The following RFTN1 variants were observed in gnomAD, a reference collection of about 807,000 sequenced individuals.
RFTN1 encodes the protein raftlin, lipid raft linker 1.
Under a neutral mutation model 46.5 loss-of-function variants are expected in RFTN1, and 26 were observed. That is an observed-to-expected ratio of 0.56 (90% confidence interval 0.41 to 0.78). The LOEUF (loss-of-function observed/expected upper bound fraction) is 0.78, where lower values mean the gene tolerates loss of function less well. RFTN1 is among the 30% of genes least tolerant of loss of function. RFTN1 has a pLI of 0.00. For missense variants in RFTN1, 693 were observed against 718.7 expected (o/e 0.96, Z 0.41); for synonymous variants, 261 against 284.2 (o/e 0.92, Z 0.82).
At chr3:16,508,237 ACTGGGACATCAAAG>A (rs1392851360) in intron 1 of RFTN1, among the ~76,000 whole-genome samples, 2 of 152,184 alleles carry the variant, frequency 1.3e-5, no homozygotes, top group Admixed American at 1.3e-4. Flanking sequence ...GTCCCATGTA[ACTGGGACATCAAAG>A]CTGCCAGCCT....
rs2069891671 is a variant in RFTN1 at position 16,327,904 on chromosome 3, A to G, written c.1147-1028T>C. 6.6e-6 allele frequency among the ~76,000 whole-genome samples: 1 copy of G among 152,046 alleles called. No homozygotes were observed. Among genetic ancestry groups the G allele is most frequent in the Non-Finnish European group, 1.5e-5 (1 of 67,972 alleles). On this transcript the variant is annotated intron_variant, in intron 7 of 9. Transcript: ENST00000334133. The surrounding 1 kb of genome is among the most constrained non-coding windows in gnomAD (Gnocchi z 4.2). ...CATTTCTTACTACGGGTTCCTCACT[A>G]ACACTCAAAGTGTAGCCCCCACCCC...
At chr3:16,355,978 T>C (rs923933587) in intron 7 of RFTN1, among the ~76,000 whole-genome samples, 8 of 152,222 alleles carry the variant, frequency 5.3e-5, no homozygotes, top group Admixed American at 4.6e-4. Context: ...CACAGGCACA[T>C]GTTTTGGGTG....
intron 2 of RFTN1, chr3:16,482,836 T>C (rs2076389936): frequency 1.3e-6 from 2 of 1,535,954 alleles, no homozygotes; most frequent in East Asian, 4.9e-5. Context: ...AGAACAGCCT[T>C]TCTGCCATGA....
rs56174239 is a variant in RFTN1, at chr3:16,334,309, A to G, written c.1147-7433T>C. 0.19 allele frequency among the ~76,000 whole-genome samples: 28,569 copies of G among 152,118 alleles called. 2,792 individuals are homozygous for G. The highest frequency in any genetic ancestry group is 0.29 in the Middle Eastern group (84 of 294). ...GAAGCATGCGTTCTTGTACATTGCT[A>G]GTGGAAGGGCTCATTGATTCAACCC... On this transcript the variant is annotated intron_variant, in intron 7 of 9. Transcript: ENST00000334133. This position sits in a 1 kb window ranked among gnomAD's most constrained non-coding sequence, Gnocchi z 4.3.
intron 2 of RFTN1, among the ~76,000 whole-genome samples, chr3:16,488,533 G>T (rs1402271790): frequency 1.3e-5 from 2 of 152,184 alleles, no homozygotes; most frequent in Non-Finnish European, 2.9e-5. Flanking sequence ...TAAGTGTATA[G>T]AGTGTCATTT....
chr3:16,355,393 A>G (rs1295133149), intron 7 of RFTN1, among the ~76,000 whole-genome samples: 2 of 152,282 alleles, frequency 1.3e-5, no homozygotes, highest in Admixed American at 1.3e-4. Context: ...AAGATCAGGC[A>G]TCTTGACACT....
chr3:16,509,503 A>G lies in RFTN1; in HGVS notation c.-9+3939T>C, dbSNP rs2076863853. Among the ~76,000 whole-genome samples, 1 of 152,236 alleles carries G rather than the reference A, an allele frequency of 6.6e-6. No homozygotes were observed. The highest frequency in any genetic ancestry group is 2.4e-5 in the African/African-American group (1 of 41,460). ...ATTAAATTCAGATAATGCGTGCAAAATGTACAACAGTGCCTGGCAAAGGGT... is the reference window on the plus strand; with the variant it reads ...ATTAAATTCAGATAATGCGTGCAAAGTGTACAACAGTGCCTGGCAAAGGGT... On this transcript the variant is annotated intron_variant, in intron 1 of 9. Transcript: ENST00000334133. This position sits in a 1 kb window ranked among gnomAD's most constrained non-coding sequence, Gnocchi z 4.9.
In RFTN1 at chr3:16,370,188, C is replaced by A. The variant is rs199584688; in HGVS notation, c.918G>T (p.Lys306Asn). Reference protein sequence around the residue: ...YPVTIPLHVSKNGQTVSGLDA... With the variant: ...YPVTIPLHVSNNGQTVSGLDA... Reference sequence around the variant, plus strand: ...CCAAACCGCTCACTGTCTGGCCATTCTTGGAGACATGGAGAGGAATGGTGA... The same window carrying A: ...CCAAACCGCTCACTGTCTGGCCATTATTGGAGACATGGAGAGGAATGGTGA... The change falls in exon 6 of 10, where the codon AAG becomes AAT. Residue 306 changes from lysine to asparagine, a missense_variant. Coordinates refer to ENST00000334133, the MANE Select transcript of RFTN1 (RefSeq NM_015150.2). This position sits in a 1 kb window ranked among gnomAD's most constrained non-coding sequence, Gnocchi z 5.5. The A allele has an allele frequency of 2.2e-4, 353 of 1,614,064 alleles. No homozygotes were observed. The highest frequency in any genetic ancestry group is 2.8e-4 in the Non-Finnish European group (333 of 1,180,038).
intron 2 of RFTN1, among the ~76,000 whole-genome samples, chr3:16,461,386 C>A (rs2076006209): frequency 6.6e-6 from 1 of 152,164 alleles, no homozygotes; most frequent in Non-Finnish European, 1.5e-5. Context: ...TTTTAAAATA[C>A]TTTTTATATT....
intron 4 of RFTN1, among the ~76,000 whole-genome samples, chr3:16,405,452 T>C (rs973856014): frequency 6.6e-6 from 1 of 152,126 alleles, no homozygotes; most frequent in African/African-American, 2.4e-5. Flanking sequence ...TAGATTTCAT[T>C]TGACCAGCTA....
chr3:16,501,831 AAC>A (rs1269549944), intron 1 of RFTN1, among the ~76,000 whole-genome samples: 2 of 152,270 alleles, frequency 1.3e-5, no homozygotes, highest in East Asian at 3.8e-4. Flanking sequence ...GCTGTCCTGC[AAC>A]AGAGTCTAAG....
intron 1 of RFTN1, among the ~76,000 whole-genome samples, chr3:16,501,909 C>T (rs1231742857): frequency 6.6e-6 from 1 of 152,154 alleles, no homozygotes; most frequent in Admixed American, 6.5e-5. Flanking sequence ...ATGTAAAGAA[C>T]AATCTATATC....
rs1167666492 is a variant in RFTN1, at chr3:16,500,932, C to T, written c.-8-7055G>A. On this transcript the variant is annotated intron_variant, in intron 1 of 9. Transcript: ENST00000334133. The surrounding 1 kb of genome is among the most constrained non-coding windows in gnomAD (Gnocchi z 5.9). ...CCATGGTGCAGTATGGCTGACTGTT[C>T]GGGAAGTCTGGACAGAATGCGGGAG... Among the ~76,000 whole-genome samples, 1 of 152,174 alleles carries T rather than the reference C, an allele frequency of 6.6e-6. No individual in the cohort carries two copies. The highest frequency in any genetic ancestry group is 1.5e-5 in the Non-Finnish European group (1 of 68,038).
chr3:16,489,098 A>G lies in RFTN1; in HGVS notation c.145+4627T>C, dbSNP rs987698181. On this transcript the variant is annotated intron_variant, in intron 2 of 9. Coordinates refer to ENST00000334133, the MANE Select transcript of RFTN1 (RefSeq NM_015150.2). This position sits in a 1 kb window ranked among gnomAD's most constrained non-coding sequence, Gnocchi z 4.0. ...AAAAGAGTACGTACTATTTGATTCCATTTATATAACATCCTGGGAAATAAA... is the reference window on the plus strand; with the variant it reads ...AAAAGAGTACGTACTATTTGATTCCGTTTATATAACATCCTGGGAAATAAA... Among the ~76,000 whole-genome samples, 1 of 152,176 alleles carries G rather than the reference A, an allele frequency of 6.6e-6. No homozygotes were observed. The highest frequency in any genetic ancestry group is 1.5e-5 in the Non-Finnish European group (1 of 68,032).
At chr3:16,508,378 G>A (rs574212204) in intron 1 of RFTN1, among the ~76,000 whole-genome samples, 1 of 152,314 alleles carries the variant, frequency 6.6e-6, no homozygotes, top group East Asian at 1.9e-4. Flanking sequence ...AGCCATCACT[G>A]CAGAATGTCA....
At chr3:16,444,536 T>A (rs2075693321) in intron 2 of RFTN1, among the ~76,000 whole-genome samples, 1 of 152,206 alleles carries the variant, frequency 6.6e-6, no homozygotes, top group African/African-American at 2.4e-5. Flanking sequence ...TGCAATGGAA[T>A]GACATCCTGT....
chr3:16,362,448 T>G (rs879682364), intron 6 of RFTN1, among the ~76,000 whole-genome samples: 2 of 152,054 alleles, frequency 1.3e-5, no homozygotes, highest in Non-Finnish European at 2.9e-5. Context: ...CCAAGGTGAG[T>G]ATGGACCATA....
chr3:16,404,260 A>T (rs1293270268), intron 4 of RFTN1, among the ~76,000 whole-genome samples: 1 of 14,362 alleles, frequency 7.0e-5, no homozygotes, highest in African/African-American at 3.2e-4. Flanking sequence ...ATAATATATA[A>T]TATATAATAT....
At chr3:16,415,758 G>A (rs1182728731) in intron 3 of RFTN1, among the ~76,000 whole-genome samples, 2 of 152,036 alleles carry the variant, frequency 1.3e-5, no homozygotes, top group Non-Finnish European at 2.9e-5. Context: ...GCAAGTCAAG[G>A]AGAAGGGTAT....
Sources: gnomAD v4.1 joint callset for allele counts (sites outside exome capture counted in the v4.1 genomes callset) on GRCh38, gnomAD v4.1.1 for gene constraint, Gnocchi (gnomAD v3.1) non-coding constraint, MANE v1.5 for transcripts, NCBI Gene and HGNC (gene_info 2026-07-23, HGNC 2026-07-21) for gene names.